Variants in SBK1 observed in about 807,000 individuals in gnomAD.
SBK1 encodes the protein SH3 domain binding kinase 1.
A neutral mutation model predicts 24.4 loss-of-function variants in SBK1; 11 were observed. That is an observed-to-expected ratio of 0.45 (90% CI 0.28 to 0.75). SBK1 has a LOEUF of 0.75. Ranked by LOEUF, SBK1 falls within the 30% of genes least tolerant of loss-of-function variation. SBK1 has a pLI of 0.12. For missense variants in SBK1, 467 were observed against 620.5 expected, an observed-to-expected ratio of 0.75 and a Z score of 2.63; for synonymous variants, 308 against 284.4, an observed-to-expected ratio of 1.08 and a Z score of -0.83.
rs2044610724 is a variant in SBK1, at chr16:28,292,845, A to G, written c.-463A>G. ...AGCGACTCCCCTGCGGGGAAAGCGGAGACTTCCTCGGTATTTAGAAGACAG... is the reference window on the plus strand; with the variant it reads ...AGCGACTCCCCTGCGGGGAAAGCGGGGACTTCCTCGGTATTTAGAAGACAG... On this transcript the variant is annotated 5_prime_UTR_variant, in exon 1 of 4. Transcript: ENST00000341901. 9.1e-6 allele frequency: 9 copies of G among 984,772 alleles called. No homozygotes were observed. The highest frequency in any genetic ancestry group is 8.4e-6 in the Non-Finnish European group (7 of 829,518). The allele number at this position is 984,772 out of a possible 1,614,324, so 61.0% of individuals were successfully genotyped here. A position where few individuals can be genotyped will look rare whatever the true frequency, so the allele number is the denominator to read the frequency against.
intron 1 of SBK1, among the ~76,000 whole-genome samples, chr16:28,265,368 A>G (rs138851321): frequency 1.7e-3 from 257 of 152,234 alleles, no homozygotes; most frequent in African/African-American, 6.0e-3. Flanking sequence ...ACACCGAGCC[A>G]TGATGGCGCC....
At chr16:28,284,064 G>A (rs1367553762) in intron 1 of SBK1, among the ~76,000 whole-genome samples, 1 of 152,174 alleles carries the variant, frequency 6.6e-6, no homozygotes, top group African/African-American at 2.4e-5. Context: ...CCTCAGTGGG[G>A]TTCACCTCCC....
chr16:28,322,032 AGT>A lies in SBK1; in HGVS notation c.*1115_*1116del, dbSNP rs1475960419. 1.3e-5 allele frequency: 2 copies of A among 152,318 alleles called. No individual in the cohort carries two copies. The highest frequency in any genetic ancestry group is 4.8e-5 in the African/African-American group (2 of 41,470). The allele number at this position is 152,318 out of a possible 1,614,324, so 9.4% of individuals were successfully genotyped here. On this transcript the variant is annotated 3_prime_UTR_variant, in exon 4 of 4. Transcript: ENST00000341901. ...ACGTCTCCCACTTTTCTGGCGCTGGAGTGTGCAGGGCGTAGGACCTGCATGTG... is the reference window on the plus strand; with the variant it reads ...ACGTCTCCCACTTTTCTGGCGCTGGAGTGCAGGGCGTAGGACCTGCATGTG...
chr16:28,309,526 AC>A (rs1042381900), intron 1 of SBK1, among the ~76,000 whole-genome samples: 1 of 152,098 alleles, frequency 6.6e-6, no homozygotes, highest in African/African-American at 2.4e-5. Context: ...CTTTACGTTT[AC>A]TCAAATCATT....
At chr16:28,310,996 G>A (rs776573962) in intron 1 of SBK1, among the ~76,000 whole-genome samples, 8 of 152,216 alleles carry the variant, frequency 5.3e-5, no homozygotes, top group Non-Finnish European at 1.0e-4. Context: ...GGCGGATGAC[G>A]CAGAGGCAGG....
chr16:28,277,724 G>C (rs2044502794), intron 1 of SBK1, among the ~76,000 whole-genome samples: 1 of 152,214 alleles, frequency 6.6e-6, no homozygotes, highest in Admixed American at 6.5e-5. Context: ...GACCAGCTGG[G>C]GAGGGGATTC....
intron 1 of SBK1, among the ~76,000 whole-genome samples, chr16:28,287,262 G>A (rs1187825251): frequency 1.5e-5 from 2 of 132,978 alleles, no homozygotes; most frequent in Non-Finnish European, 3.2e-5. Flanking sequence ...CCAATATGGT[G>A]AAACCCCATC....
intron 1 of SBK1, among the ~76,000 whole-genome samples, chr16:28,295,716 G>A (rs534228850): frequency 6.6e-6 from 1 of 152,126 alleles, no homozygotes; most frequent in East Asian, 1.9e-4. Context: ...AAAGTCGGGG[G>A]GAGGCAATTT....
chr16:28,260,190 G>C (rs2044389067), intron 1 of SBK1, among the ~76,000 whole-genome samples: 1 of 152,132 alleles, frequency 6.6e-6, no homozygotes, highest in Non-Finnish European at 1.5e-5. Flanking sequence ...CTGTGAGCCT[G>C]TGTACATGTT....
At position 28,292,541 on chromosome 16, in the gene SBK1, G is replaced by A; in HGVS notation, c.-767G>A. On this transcript the variant is annotated 5_prime_UTR_variant, in exon 1 of 4. Transcript: ENST00000341901. ...CGGAGCCGCGATGCCGCGATGGAGC[G>A]CAGCCCGGGCGGGCGCCGGGGCCGG... 2.0e-6 allele frequency: 2 copies of A among 979,102 alleles called. No homozygotes were observed. Among genetic ancestry groups the A allele is most frequent in the African/African-American group, 1.8e-5 (1 of 56,638 alleles). 60.7% of individuals were successfully genotyped at this position (979,102 alleles called of 1,614,324 possible). A position where few individuals can be genotyped will look rare whatever the true frequency, so the allele number is the denominator to read the frequency against.
intron 1 of SBK1, among the ~76,000 whole-genome samples, chr16:28,264,078 G>A (rs1186619054): frequency 6.6e-6 from 1 of 152,112 alleles, no homozygotes; most frequent in East Asian, 1.9e-4. Flanking sequence ...GCAGTGAGCT[G>A]TGATTGTGTC....
chr16:28,279,879 G>A (rs966118818), intron 1 of SBK1, among the ~76,000 whole-genome samples: 12 of 151,900 alleles, frequency 7.9e-5, no homozygotes, highest in African/African-American at 2.9e-4. Flanking sequence ...TTTGTAAACT[G>A]AAGCACGGGG....
intron 1 of SBK1, among the ~76,000 whole-genome samples, chr16:28,272,245 T>C (rs765237954): frequency 1.6e-4 from 24 of 152,022 alleles, no homozygotes; most frequent in Non-Finnish European, 3.2e-4. Context: ...AATTTTTAAA[T>C]TTTTTATAGG....
At chr16:28,292,482 G>C (rs1214408732), upstream of SBK1, 34 of 959,204 alleles carry the variant, frequency 3.5e-5, no homozygotes, top group Non-Finnish European at 4.1e-5. Context: ...GCGGAGCCGC[G>C]GGCCGGGCGG....
At chr16:28,299,173 G>A (rs2044662336) in intron 1 of SBK1, among the ~76,000 whole-genome samples, 1 of 152,158 alleles carries the variant, frequency 6.6e-6, no homozygotes, top group East Asian at 1.9e-4. Context: ...TAATCTCTCT[G>A]TGCCTCAGGT....
intron 1 of SBK1, among the ~76,000 whole-genome samples, chr16:28,281,608 G>A (rs541170759): frequency 3.9e-5 from 6 of 152,264 alleles, no homozygotes; most frequent in Admixed American, 6.5e-5. Flanking sequence ...AGGAGCCTGC[G>A]TGGGTTCAAG....
chr16:28,287,024 G>T (rs1168814705), intron 1 of SBK1: 2 of 152,090 alleles, frequency 1.3e-5, no homozygotes, highest in Non-Finnish European at 2.9e-5. Context: ...GAAGCCGAGA[G>T]GTGGAGGTTG....
rs551095521 is a variant in SBK1 at position 28,299,686 on chromosome 16, C to T, written c.-8+6386C>T. Among the ~76,000 whole-genome samples the T allele has an allele frequency of 3.9e-5, 6 of 152,264 alleles. No individual in the cohort carries two copies. The East Asian group carries it at 7.7e-4, about 20-fold the overall frequency. ...TGTGCGATGCTGCCACAGCTGGCCT[C>T]GGAGTTTCTGAGTCTGATCGGGTCA... is the stretch of plus-strand genomic sequence containing the variant. On this transcript the variant is annotated intron_variant, in intron 1 of 3. Coordinates refer to ENST00000341901, the MANE Select transcript of SBK1 (RefSeq NM_001024401.3).
At chr16:28,314,596 T>C (rs890601142) in intron 1 of SBK1, among the ~76,000 whole-genome samples, 11 of 152,284 alleles carry the variant, frequency 7.2e-5, no homozygotes, top group African/African-American at 2.6e-4. Context: ...CATCTGTGCC[T>C]TCTCCCAGAG....
Sources: gnomAD v4.1 joint callset for allele counts (sites outside exome capture counted in the v4.1 genomes callset) on GRCh38, gnomAD v4.1.1 for gene constraint, MANE v1.5 for transcripts, NCBI Gene and HGNC (gene_info 2026-07-23, HGNC 2026-07-21) for gene names.